PLEKHH3: variants seen among roughly 807,000 people sequenced by gnomAD.
PLEKHH3 encodes the protein pleckstrin homology, MyTH4 and FERM domain containing H3.
PLEKHH3 carries 57 observed loss-of-function variants against 77.8 expected under a neutral mutation model. That is an observed-to-expected ratio of 0.73 (90% CI 0.59 to 0.91). The LOEUF is 0.91. PLEKHH3 is among the 40% of genes least tolerant of loss of function. PLEKHH3 has a pLI of 0.00. For missense variants in PLEKHH3, 1,082 were observed against 1,091.2 expected (o/e 0.99, Z 0.12); for synonymous variants, 467 against 504.8 (o/e 0.93, Z 1.00).
intron 3 of PLEKHH3, 30 bp downstream of exon 3, chr17:42,673,904 C>A (rs2052762121): frequency 1.2e-6 from 2 of 1,611,922 alleles, no homozygotes; most frequent in African/African-American, 1.3e-5. Context: ...GGATTGGGGG[C>A]CTCCAGAGTG....
chr17:42,671,013 C>T lies in PLEKHH3; in HGVS notation c.1402G>A (p.Val468Met). The change falls in exon 9 of 13, where the codon GTG becomes ATG. Residue 468 changes from valine (V) to methionine (M), a missense_variant. By Grantham distance (21) the Val-to-Met change is conservative. Around this residue, in one of 3 missense-constraint regions of PLEKHH3, gnomAD observed 733 missense variants for 750.0 expected, o/e 0.98. Transcript: ENST00000591022. This position sits in a 1 kb window ranked among gnomAD's most constrained non-coding sequence, Gnocchi z 4.7. ...ATTTACTTCTCAAACCTGGTGAGCA[C>T]GTCGGCCACGAGGGTCCCCCCAGCC... is the stretch of plus-strand genomic sequence containing the variant. Reference protein sequence around the residue: ...ALAGGTLVADVLTRFENLAAE... With the variant: ...ALAGGTLVADMLTRFENLAAE... 1.2e-6 allele frequency: 2 copies of T among 1,610,028 alleles called. No homozygotes were observed. The highest frequency in any genetic ancestry group is 1.7e-6 in the Non-Finnish European group (2 of 1,178,982).
In PLEKHH3 at chr17:42,676,388, C is replaced by T; in HGVS notation, c.162+14G>A. 2 of 1,612,388 alleles carry T rather than the reference C, an allele frequency of 1.2e-6. No homozygotes were observed. Among genetic ancestry groups the T allele is most frequent in the Non-Finnish European group, 1.7e-6 (2 of 1,179,488 alleles). ...AGAGTGATTGAGACGAGGCTCCGAA[C>T]CCCCGGGACTTACCCTCCCGCCGCC... On this transcript the variant is annotated intron_variant, in intron 1 of 12. Transcript: ENST00000591022. This position sits in a 1 kb window ranked among gnomAD's most constrained non-coding sequence, Gnocchi z 6.6.
Position 42,673,312 on chromosome 17 carries a change from G to T in PLEKHH3, c.649-16C>A, listed in dbSNP as rs1010019904. The T allele has an allele frequency of 5.6e-6, 9 of 1,600,868 alleles. No individual in the cohort carries two copies. Among genetic ancestry groups the T allele is most frequent in the Non-Finnish European group, 6.8e-6 (8 of 1,176,274 alleles). ...CGCAACTTTCCTAGGGGGCCAGGGA[G>T]AGGGTCACCTTGATGGGGAAGGGAG... On this transcript the variant is annotated splice_polypyrimidine_tract_variant and intron_variant, in intron 5 of 12. Coordinates refer to ENST00000591022, the MANE Select transcript of PLEKHH3 (RefSeq NM_024927.5).
Position 42,676,025 on chromosome 17 carries a change from G to A in PLEKHH3, c.162+377C>T, listed in dbSNP as rs1202880661. 1.3e-5 allele frequency: 14 copies of A among 1,103,092 alleles called. No homozygotes were observed. In the South Asian group the frequency reaches 3.9e-4, roughly 31 times the overall value. 68.3% of individuals were successfully genotyped at this position (1,103,092 alleles called of 1,614,324 possible). On this transcript the variant is annotated intron_variant, in intron 1 of 12. Coordinates refer to ENST00000591022, the MANE Select transcript of PLEKHH3 (RefSeq NM_024927.5). This position sits in a 1 kb window ranked among gnomAD's most constrained non-coding sequence, Gnocchi z 6.6. Reference sequence around the variant, plus strand: ...CACTTGCGAACTGGGAGCGGAGGGGGACCCAGGCGTTCGAGCCGCCCAGCC... The same window carrying A: ...CACTTGCGAACTGGGAGCGGAGGGGAACCCAGGCGTTCGAGCCGCCCAGCC...
Position 42,671,414 on chromosome 17 carries a change from G to A in PLEKHH3, c.1221C>T (p.Thr407=), listed in dbSNP as rs754357460. Residue 407 remains threonine, a synonymous_variant, in exon 8 of 13, where the codon ACC becomes ACT. Transcript: ENST00000591022. The surrounding 1 kb of genome is among the most constrained non-coding windows in gnomAD (Gnocchi z 4.7). The stretch of plus-strand genomic sequence containing the variant: ...AGGCACCAGCCCCCGGACAGTGCAC[G>A]GTACACAGCAGCTCCTGCCGTTGGC... ...ALSQRQELLC[T]VHCPGAGACA... is the part of the protein sequence containing the mutation. The A allele has an allele frequency of 1.2e-6, 2 of 1,613,104 alleles. No individual in the cohort carries two copies. The highest frequency in any genetic ancestry group is 4.5e-5 in the East Asian group (2 of 44,876).
chr17:42,671,692 T>C lies in PLEKHH3; in HGVS notation c.1077-134A>G, dbSNP rs1033786598. On this transcript the variant is annotated intron_variant, in intron 7 of 12. Coordinates refer to ENST00000591022, the MANE Select transcript of PLEKHH3 (RefSeq NM_024927.5). This position sits in a 1 kb window ranked among gnomAD's most constrained non-coding sequence, Gnocchi z 4.7. Reference sequence around the variant, plus strand: ...CCAACTCAAGTTCTTTGAAGGCTCTTCTAAATCTCTCCCCAGTGCTTTGCA... The same window carrying C: ...CCAACTCAAGTTCTTTGAAGGCTCTCCTAAATCTCTCCCCAGTGCTTTGCA... 2.4e-5 allele frequency: 23 copies of C among 963,154 alleles called. No individual in the cohort carries two copies. The African/African-American group carries it at 3.5e-4, about 14-fold the overall frequency. The allele number at this position is 963,154 out of a possible 1,614,324, so 59.7% of individuals were successfully genotyped here.
Position 42,670,638 on chromosome 17 carries a change from G to C in PLEKHH3, c.1489C>G (p.His497Asp). ...AGCCCCTCAGGGTGCAGAGGTCCGT[G>C]AAGACGCAGACATAGTCTCCACCCG... ...DSGWRLCLRL[H>D]GPLHPEGLSP... The change falls in exon 10 of 13, where the codon CAC becomes GAC. Residue 497 changes from histidine to aspartate, a missense_variant. Physicochemically the swap from His to Asp is moderately conservative, Grantham distance 81. Transcript: ENST00000591022. The C allele has an allele frequency of 2.5e-6, 4 of 1,613,248 alleles. No homozygotes were observed. Among genetic ancestry groups the C allele is most frequent in the East Asian group, 2.2e-5 (1 of 44,866 alleles).
rs149422870 is a variant in PLEKHH3 at position 42,671,400 on chromosome 17, C to G, written c.1235G>C (p.Gly412Ala). The change falls in exon 8 of 13, where the codon GGG becomes GCG. Residue 412 changes from glycine to alanine, a missense_variant. Transcript: ENST00000591022. The surrounding 1 kb of genome is among the most constrained non-coding windows in gnomAD (Gnocchi z 4.7). ...QELLCTVHCPGAGACAVAIDS... is the reference protein window; with the variant it reads ...QELLCTVHCPAAGACAVAIDS... The stretch of plus-strand genomic sequence containing the variant: ...GATGGCCACAGCACAGGCACCAGCC[C>G]CCGGACAGTGCACGGTACACAGCAG... 32 of 1,612,980 alleles carry G rather than the reference C, an allele frequency of 2.0e-5. No homozygotes were observed. The highest frequency in any genetic ancestry group is 2.7e-5 in the Non-Finnish European group (32 of 1,180,022).
chr17:42,668,962 G>C (rs1478557309), intron 12 of PLEKHH3: 1 of 152,588 alleles, frequency 6.6e-6, no homozygotes, highest in African/African-American at 2.4e-5. Flanking sequence ...CTATAGGTGT[G>C]CGCCACCAGC....
Position 42,673,517 on chromosome 17 carries a change from A to T in PLEKHH3, c.530T>A (p.Val177Asp). The change falls in exon 5 of 13, where the codon GTC becomes GAC. Residue 177 changes from valine (V) to aspartate (D), a missense_variant. Val to Asp is a radical substitution (Grantham distance 152). This residue lies in a region of PLEKHH3 where 344 missense variants were observed against 320.8 expected (regional missense o/e 1.07). Coordinates refer to ENST00000591022, the MANE Select transcript of PLEKHH3 (RefSeq NM_024927.5). ...TGCCTGGCGTGGGGAGCAGAGGCGGACACTGTGTTTCCGACCAGACACAGT... is the reference window on the plus strand; with the variant it reads ...TGCCTGGCGTGGGGAGCAGAGGCGGTCACTGTGTTTCCGACCAGACACAGT... ...SVTVSGRKHS[V>D]RLCSPRQAEA... 6.2e-7 allele frequency: 1 copy of T among 1,603,794 alleles called. No individual in the cohort carries two copies.
intron 6 of PLEKHH3, 137 bp downstream of exon 6, chr17:42,673,039 T>A: frequency 7.9e-7 from 1 of 1,266,740 alleles, no homozygotes; most frequent in Non-Finnish European, 1.0e-6. Context: ...GCTTCCAGTT[T>A]CACCTTCATC....
Position 42,671,441 on chromosome 17 carries a change from C to T in PLEKHH3, c.1194G>A (p.Leu398=). Residue 398 remains leucine, a synonymous_variant, in exon 8 of 13, where the codon TTG becomes TTA. Coordinates refer to ENST00000591022, the MANE Select transcript of PLEKHH3 (RefSeq NM_024927.5). The surrounding 1 kb of genome is among the most constrained non-coding windows in gnomAD (Gnocchi z 4.7). ...LVPSLAEISA[L]SQRQELLCTV... ...TACACAGCAGCTCCTGCCGTTGGCT[C>T]AACGCGGAAATCTCCGCCAGCGAGG... 1.2e-6 allele frequency: 2 copies of T among 1,613,180 alleles called. No homozygotes were observed. The highest frequency in any genetic ancestry group is 1.1e-5 in the South Asian group (1 of 91,082).
chr17:42,670,916 A>G, intron 9 of PLEKHH3, 78 bp downstream of exon 9: 2 of 1,569,314 alleles, frequency 1.3e-6, no homozygotes, highest in Non-Finnish European at 1.7e-6. Flanking sequence ...CAAGCGCTGG[A>G]TAATGTCCGC....
chr17:42,669,283 T>C, intron 12 of PLEKHH3, 147 bp downstream of exon 12: 2 of 682,400 alleles, frequency 2.9e-6, no homozygotes, highest in East Asian at 6.7e-5. Context: ...CTGACTCCAC[T>C]CTAGTGTAAG....
Position 42,674,025 on chromosome 17 carries a change from G to A in PLEKHH3, c.219-12C>T, listed in dbSNP as rs752402918. On this transcript the variant is annotated splice_polypyrimidine_tract_variant and intron_variant, in intron 2 of 12. Coordinates refer to ENST00000591022, the MANE Select transcript of PLEKHH3 (RefSeq NM_024927.5). ...CCCAGCTCTGCAGCCTGGGCCAGAG[G>A]GGAGGGAAGGTTGGGTCTCCACTCT... The A allele has an allele frequency of 6.2e-6, 10 of 1,612,102 alleles. No individual in the cohort carries two copies. The highest frequency in any genetic ancestry group is 1.3e-5 in the African/African-American group (1 of 74,986).
rs767488785 is a variant in PLEKHH3, at chr17:42,673,600, G to A, written c.490+43C>T. 3.1e-6 allele frequency: 5 copies of A among 1,592,436 alleles called. No homozygotes were observed. In the East Asian group the frequency reaches 8.9e-5, roughly 28 times the overall value. ...AGGGAGGGCCATTAGGGTCTGCCGG[G>A]GCCCCTGCCTAGGAAGGTAGGAGAG... is the stretch of plus-strand genomic sequence containing the variant. On this transcript the variant is annotated intron_variant, in intron 4 of 12. Coordinates refer to ENST00000591022, the MANE Select transcript of PLEKHH3 (RefSeq NM_024927.5).
chr17:42,673,436 A>T lies in PLEKHH3; in HGVS notation c.611T>A (p.Leu204Gln), dbSNP rs1211292747. 1.2e-6 allele frequency: 2 copies of T among 1,613,278 alleles called. No individual in the cohort carries two copies. The highest frequency in any genetic ancestry group is 2.7e-5 in the African/African-American group (2 of 74,904). Residue 204 changes from leucine to glutamine, a missense_variant, in exon 5 of 13, where the codon CTG becomes CAG. Coordinates refer to ENST00000591022, the MANE Select transcript of PLEKHH3 (RefSeq NM_024927.5). ...GAGCAGTAGCTGGGTGGGGGTCTCC[A>T]GGGGTGCCTTGGAGGCGATCACTTC... ...LREVIASKAPLETPTQLLLRD... is the reference protein window; with the variant it reads ...LREVIASKAPQETPTQLLLRD...
chr17:42,668,606 C>G (rs532885421), intron 12 of PLEKHH3: 1 of 183,426 alleles, frequency 5.5e-6, no homozygotes, highest in Non-Finnish European at 1.1e-5. Flanking sequence ...TACAGGCGCC[C>G]GCCAACACGC....
Position 42,669,448 on chromosome 17 carries a change from G to A in PLEKHH3, c.2187C>T (p.Leu729=). 1.3e-6 allele frequency: 2 copies of A among 1,554,424 alleles called. No individual in the cohort carries two copies. The highest frequency in any genetic ancestry group is 1.7e-6 in the Non-Finnish European group (2 of 1,145,368). ...TLALRVGESQ[L]LLQSPQVEEI... is the part of the protein sequence containing the mutation. ...CACTCACCTGGGGGCTCTGCAGGAG[G>A]AGCTGGCTCTCTCCCACCCTCAAGG... Residue 729 remains leucine (L), a synonymous_variant, in exon 12 of 13, where the codon CTC becomes CTT. Coordinates refer to ENST00000591022, the MANE Select transcript of PLEKHH3 (RefSeq NM_024927.5).
Sources: gnomAD v4.1 joint callset for allele counts on GRCh38, gnomAD v4.1.1 for gene constraint, gnomAD v4.1.1 regional missense constraint, Gnocchi (gnomAD v3.1) non-coding constraint, MANE v1.5 for transcripts, NCBI Gene and HGNC (gene_info 2026-07-23, HGNC 2026-07-21) for gene names.